The following SLC44A1 variants were observed in gnomAD, a reference collection of about 807,000 sequenced individuals.
SLC44A1 encodes choline transporter-like protein 1.
SLC44A1 carries 26 observed loss-of-function variants against 79.3 expected under a neutral mutation model. The ratio of observed to expected loss-of-function variants is 0.33; its 90% CI spans 0.24 to 0.46. The LOEUF (loss-of-function observed/expected upper bound fraction) is 0.46, where lower values mean the gene tolerates loss of function less well. Among genes scored for constraint, SLC44A1 ranks in the 20% least tolerant of loss-of-function variants. The pLI is 1.00. For synonymous variants in SLC44A1, 263 were observed against 286.2 expected (o/e 0.92, Z 0.82); for missense variants, 688 against 798.1 (o/e 0.86, Z 1.66).
chr9:105,299,526 A>G (rs1037692891), intron 2 of SLC44A1, among the ~76,000 whole-genome samples: 4 of 152,226 alleles, frequency 2.6e-5, no homozygotes, highest in African/African-American at 7.2e-5. Flanking sequence ...CAGAAAGCAA[A>G]TCATTTGACG....
intron 1 of SLC44A1, among the ~76,000 whole-genome samples, chr9:105,297,840 G>C (rs772172129): frequency 2.6e-5 from 4 of 152,136 alleles, no homozygotes; most frequent in Non-Finnish European, 5.9e-5. Flanking sequence ...GCCCCCTCCT[G>C]CTCATGCCCT....
intron 15 of SLC44A1, among the ~76,000 whole-genome samples, chr9:105,418,624 C>T (rs1829205977): frequency 6.6e-6 from 1 of 152,120 alleles, no homozygotes; most frequent in African/African-American, 2.4e-5. Flanking sequence ...CAAGAGGACC[C>T]CAGTTCTGTC....
intron 15 of SLC44A1, among the ~76,000 whole-genome samples, chr9:105,404,347 A>G (rs940262103): frequency 1.3e-5 from 2 of 152,200 alleles, no homozygotes; most frequent in East Asian, 1.9e-4. Flanking sequence ...CAAGTGAAAG[A>G]AAGACAGGAG....
chr9:105,292,749 C>T (rs954071917), intron 1 of SLC44A1, among the ~76,000 whole-genome samples: 1 of 152,200 alleles, frequency 6.6e-6, no homozygotes, highest in African/African-American at 2.4e-5. Flanking sequence ...TGGCAAATCT[C>T]ATGCTATCGT....
At chr9:105,343,234 T>G (rs1177802255) in intron 4 of SLC44A1, among the ~76,000 whole-genome samples, 1 of 150,928 alleles carries the variant, frequency 6.6e-6, no homozygotes, top group Non-Finnish European at 1.5e-5. Context: ...TATGAGTGCT[T>G]CTTCAATGTA....
intron 9 of SLC44A1, 30 bp downstream of exon 9, chr9:105,363,037 A>T: frequency 6.6e-7 from 1 of 1,508,882 alleles, no homozygotes; most frequent in Non-Finnish European, 9.0e-7. Context: ...TCTCTTAGTG[A>T]CAAACGTGAT....
intron 1 of SLC44A1, among the ~76,000 whole-genome samples, chr9:105,263,329 C>A (rs565148475): frequency 1.3e-5 from 2 of 152,076 alleles, no homozygotes; most frequent in Non-Finnish European, 2.9e-5. Flanking sequence ...ACCCATTAGC[C>A]AAACAGAATA....
At chr9:105,367,887 C>G (rs1454213736) in intron 12 of SLC44A1, among the ~76,000 whole-genome samples, 10 of 152,182 alleles carry the variant, frequency 6.6e-5, no homozygotes, top group Non-Finnish European at 5.9e-5. Flanking sequence ...AAACTTCTAG[C>G]TCCTTTAAAG....
In SLC44A1 at chr9:105,394,080, A is replaced by G. The variant is rs1038768064; in HGVS notation, c.*5024A>G. 3.0e-6 allele frequency: 3 copies of G among 985,278 alleles called. No individual in the cohort carries two copies. The highest frequency in any genetic ancestry group is 2.4e-6 in the Non-Finnish European group (2 of 829,918). 61.0% of individuals were successfully genotyped at this position (985,278 alleles called of 1,614,324 possible). Reference sequence around the variant, plus strand: ...TTCAAATGCACATCACATGTCTGTGAACACTCAAAATGCTCATAGAATTTC... The same window carrying G: ...TTCAAATGCACATCACATGTCTGTGGACACTCAAAATGCTCATAGAATTTC... On this transcript the variant is annotated 3_prime_UTR_variant, in exon 16 of 16. Transcript: ENST00000374720.
intron 15 of SLC44A1, among the ~76,000 whole-genome samples, chr9:105,406,994 A>G (rs1035124763): frequency 4.6e-5 from 7 of 152,182 alleles, no homozygotes; most frequent in Admixed American, 2.6e-4. Flanking sequence ...AAAATTCACT[A>G]AGAGGGGTTC....
intron 4 of SLC44A1, among the ~76,000 whole-genome samples, chr9:105,340,195 T>G (rs561539536): frequency 6.6e-5 from 10 of 152,308 alleles, no homozygotes; most frequent in African/African-American, 2.4e-4. Flanking sequence ...TGTTATGCAT[T>G]TTTTACCACA....
intron 15 of SLC44A1, among the ~76,000 whole-genome samples, chr9:105,419,807 T>C (rs887333557): frequency 1.4e-5 from 2 of 147,700 alleles, no homozygotes; most frequent in South Asian, 2.1e-4. Context: ...CCAGCTACTC[T>C]GGAGGCTGAG....
intron 12 of SLC44A1, among the ~76,000 whole-genome samples, chr9:105,371,789 C>T (rs886623474): frequency 6.7e-6 from 1 of 149,458 alleles, no homozygotes; most frequent in Non-Finnish European, 1.5e-5. Context: ...TTGACCACCC[C>T]TGCTATAGAA....
At chr9:105,367,489 A>C (rs1287370894) in intron 12 of SLC44A1, among the ~76,000 whole-genome samples, 1 of 152,212 alleles carries the variant, frequency 6.6e-6, no homozygotes, top group Admixed American at 6.5e-5. Context: ...AACCTGAAAA[A>C]TTGTGTTCTT....
At chr9:105,297,738 A>G (rs1305714608) in intron 1 of SLC44A1, among the ~76,000 whole-genome samples, 2 of 152,210 alleles carry the variant, frequency 1.3e-5, no homozygotes, top group East Asian at 1.9e-4. Flanking sequence ...CAAAGGATAC[A>G]TAGTTCAACA....
At position 105,389,139 on chromosome 9, in the gene SLC44A1, GTATATATGTATATGTA is replaced by G; in HGVS notation, c.*85_*100del. On this transcript the variant is annotated 3_prime_UTR_variant, in exon 16 of 16. Coordinates refer to ENST00000374720, the MANE Select transcript of SLC44A1 (RefSeq NM_080546.5). Reference sequence around the variant, plus strand: ...TATGTATTTGTGTGTGTGGGTGTGTGTATATATGTATATGTATGTGTGTATATATGTATATGTATAT... The same window carrying G: ...TATGTATTTGTGTGTGTGGGTGTGTGTGTGTGTATATATGTATATGTATAT... 1 of 1,570,032 alleles carries G rather than the reference GTATATATGTATATGTA, an allele frequency of 6.4e-7. No individual in the cohort carries two copies. The highest frequency in any genetic ancestry group is 1.7e-5 in the Admixed American group (1 of 59,614).
intron 3 of SLC44A1, among the ~76,000 whole-genome samples, chr9:105,334,891 A>G (rs577251737): frequency 1.7e-4 from 26 of 152,296 alleles, no homozygotes; most frequent in Middle Eastern, 6.8e-3. Flanking sequence ...CTATTAATAA[A>G]CAATATTTAC....
chr9:105,406,719 G>A (rs1048841283), intron 15 of SLC44A1, among the ~76,000 whole-genome samples: 2 of 152,142 alleles, frequency 1.3e-5, no homozygotes, highest in Admixed American at 1.3e-4. Flanking sequence ...TCCAGCCCGG[G>A]TGACAGAGCA....
Position 105,395,018 on chromosome 9 carries a change from A to C in SLC44A1, c.*5962A>C, listed in dbSNP as rs1019108934. On this transcript the variant is annotated 3_prime_UTR_variant, in exon 16 of 16. Coordinates refer to ENST00000374720, the MANE Select transcript of SLC44A1 (RefSeq NM_080546.5). Reference sequence around the variant, plus strand: ...GGAAGGCTCCCTGGGCCCTTGAAAAAGCAGGCAGAAACTCATCAAGGGGTT... The same window carrying C: ...GGAAGGCTCCCTGGGCCCTTGAAAACGCAGGCAGAAACTCATCAAGGGGTT... The C allele has an allele frequency of 1.0e-6, 1 of 985,326 alleles. No individual in the cohort carries two copies. Among genetic ancestry groups the C allele is most frequent in the African/African-American group, 1.7e-5 (1 of 57,216 alleles). 61.0% of individuals were successfully genotyped at this position (985,326 alleles called of 1,614,324 possible). A position where few individuals can be genotyped will look rare whatever the true frequency, so the allele number is the denominator to read the frequency against.
Sources: gnomAD v4.1 joint callset for allele counts (sites outside exome capture counted in the v4.1 genomes callset) on GRCh38, gnomAD v4.1.1 for gene constraint, MANE v1.5 for transcripts, NCBI Gene and HGNC (gene_info 2026-07-23, HGNC 2026-07-21) for gene names.